Variants in MUC17 observed in about 807,000 individuals in gnomAD.
MUC17 encodes the protein mucin 17, cell surface associated, also known as mucin-17.
In MUC17, 190 loss-of-function variants were observed where a neutral mutation model predicts 170.3. The ratio of observed to expected loss-of-function variants is 1.12; its 90% CI spans 0.99 to 1.26. MUC17 has a LOEUF of 1.26. Among genes scored for constraint, MUC17 ranks in the 50% most tolerant of loss-of-function variants. The pLI, the probability that MUC17 is intolerant of heterozygous loss-of-function variation, is 0.00. For missense variants in MUC17, 6,415 were observed against 5,530.0 expected (o/e 1.16, Z -5.08); for synonymous variants, 2,325 against 2,002.5 (o/e 1.16, Z -4.30).
intron 1 of MUC17, among the ~76,000 whole-genome samples, chr7:101,021,001 G>A (rs927569932): frequency 6.6e-6 from 1 of 152,092 alleles, no homozygotes; most frequent in African/African-American, 2.4e-5. Context: ...CAGGGTCCCT[G>A]CCCCTCGAGA....
chr7:101,050,765 G>A, intron 7 of MUC17, 130 bp downstream of exon 7: 2 of 1,338,252 alleles, frequency 1.5e-6, no homozygotes, highest in South Asian at 3.0e-5. Flanking sequence ...GGGTCCTAGA[G>A]TCCCTGGGGT....
At position 101,031,976 on chromosome 7, in the gene MUC17, C is replaced by T. The variant is rs1562803322; in HGVS notation, c.560C>T (p.Pro187Leu). Residue 187 changes from proline to leucine, a missense_variant, in exon 3 of 13, where the codon CCT becomes CTT. Coordinates refer to ENST00000306151, the MANE Select transcript of MUC17 (RefSeq NM_001040105.2). Reference sequence around the variant, plus strand: ...ACATATAAGGTTGATATGAGCACACCTCTGACCACTTCTACTCAGGCAAGT... The same window carrying T: ...ACATATAAGGTTGATATGAGCACACTTCTGACCACTTCTACTCAGGCAAGT... Reference protein sequence around the residue: ...SLTYKVDMSTPLTTSTQASSS... With the variant: ...SLTYKVDMSTLLTTSTQASSS... 6.2e-7 allele frequency: 1 copy of T among 1,614,142 alleles called. No individual in the cohort carries two copies. Among genetic ancestry groups the T allele is most frequent in the East Asian group, 2.2e-5 (1 of 44,886 alleles).
Position 101,038,202 on chromosome 7 carries a change from A to G in MUC17, c.6786A>G (p.Thr2262=). The G allele has an allele frequency of 6.2e-7, 1 of 1,613,958 alleles. No individual in the cohort carries two copies. The highest frequency in any genetic ancestry group is 1.1e-5 in the South Asian group (1 of 91,072). ...TTSTEATSSP[T]TAEGTSIPTS... ...CTACTGAAGCCACTTCATCTCCTAC[A>G]ACTGCTGAAGGTACCAGCATACCAA... is the stretch of plus-strand genomic sequence containing the variant. Residue 2262 remains threonine (T), a synonymous_variant, in exon 3 of 13, where the codon ACA becomes ACG. Coordinates refer to ENST00000306151, the MANE Select transcript of MUC17 (RefSeq NM_001040105.2).
rs558110714 is a variant in MUC17, at chr7:101,040,681, C to T, written c.9265C>T (p.Pro3089Ser). 1.9e-6 allele frequency: 3 copies of T among 1,609,240 alleles called. No homozygotes were observed. Among genetic ancestry groups the T allele is most frequent in the Non-Finnish European group, 1.7e-6 (2 of 1,178,212 alleles). ...TSTEVSSSPT[P>S]AEGTSMPIST... ...TACTGAAGTCAGTTCATCTCCTACACCTGCTGAAGGTACCAGCATGCCAAT... is the reference window on the plus strand; with the variant it reads ...TACTGAAGTCAGTTCATCTCCTACATCTGCTGAAGGTACCAGCATGCCAAT... Residue 3089 changes from proline to serine, a missense_variant, in exon 3 of 13, where the codon CCT (proline) becomes TCT (serine). Physicochemically the swap from Pro to Ser is moderately conservative, Grantham distance 74. Transcript: ENST00000306151.
chr7:101,054,736 CT>C (rs1303190958), intron 11 of MUC17, among the ~76,000 whole-genome samples: 1 of 152,198 alleles, frequency 6.6e-6, no homozygotes, highest in Admixed American at 6.5e-5. Flanking sequence ...AGGAGGATCA[CT>C]TGAGCCCAGG....
At chr7:101,029,760 G>A (rs909427522) in intron 1 of MUC17, among the ~76,000 whole-genome samples, 17 of 151,682 alleles carry the variant, frequency 1.1e-4, no homozygotes, top group Non-Finnish European at 1.6e-4. Flanking sequence ...CGCCGCACCC[G>A]GCTAATTTTT....
chr7:101,025,815 G>A (rs1794170440), intron 1 of MUC17, among the ~76,000 whole-genome samples: 2 of 149,454 alleles, frequency 1.3e-5, no homozygotes, highest in Admixed American at 1.3e-4. Flanking sequence ...AAAAAAAGCT[G>A]GGCATGGTGA....
At position 101,044,614 on chromosome 7, in the gene MUC17, G is replaced by A. The variant is rs190519373; in HGVS notation, c.12403+795G>A. On this transcript the variant is annotated intron_variant, in intron 3 of 12. Coordinates refer to ENST00000306151, the MANE Select transcript of MUC17 (RefSeq NM_001040105.2). ...CTTTGCCTGGGCACCTCAGTCTCCA[G>A]TATTCTGTCCAGAAGTCCTGTTTTC... Among the ~76,000 whole-genome samples the A allele has an allele frequency of 1.2e-3, 185 of 152,284 alleles. 1 individual carries two copies. The highest frequency in any genetic ancestry group is 2.6e-4 in the Non-Finnish European group (18 of 68,024).
In MUC17 at chr7:101,031,230, A is replaced by G. The variant is rs746315282; in HGVS notation, c.184+9A>G. Reference sequence around the variant, plus strand: ...TCAGCACGTTAGGACAGGTAAGGCAACAGACTCCAAGATCTATCTGGGAAG... The same window carrying G: ...TCAGCACGTTAGGACAGGTAAGGCAGCAGACTCCAAGATCTATCTGGGAAG... On this transcript the variant is annotated intron_variant, in intron 2 of 12. Coordinates refer to ENST00000306151, the MANE Select transcript of MUC17 (RefSeq NM_001040105.2). 17 of 1,609,526 alleles carry G rather than the reference A, an allele frequency of 1.1e-5. No individual in the cohort carries two copies. The highest frequency in any genetic ancestry group is 1.3e-5 in the African/African-American group (1 of 74,792).
intron 12 of MUC17, among the ~76,000 whole-genome samples, chr7:101,057,039 C>A (rs145770073): frequency 6.6e-6 from 1 of 152,090 alleles, no homozygotes; most frequent in East Asian, 1.9e-4. Flanking sequence ...GCCCACCCAT[C>A]CTTAGTATCA....
intron 1 of MUC17, among the ~76,000 whole-genome samples, chr7:101,021,234 G>T (rs1443744306): frequency 6.9e-6 from 1 of 143,960 alleles, no homozygotes; most frequent in Non-Finnish European, 1.5e-5. Context: ...CACCCAGGCT[G>T]GAGTTCTGTA....
At chr7:101,048,424 A>G (rs1794879805) in intron 4 of MUC17, 2 of 192,154 alleles carry the variant, frequency 1.0e-5, no homozygotes, top group Non-Finnish European at 2.1e-5. Flanking sequence ...GATCTAATTT[A>G]TTTATTTAAA....
chr7:101,040,342 A>C lies in MUC17; in HGVS notation c.8926A>C (p.Ser2976Arg). 6.2e-7 allele frequency: 1 copy of C among 1,612,068 alleles called. No individual in the cohort carries two copies. The highest frequency in any genetic ancestry group is 2.2e-5 in the East Asian group (1 of 44,780). Reference sequence around the variant, plus strand: ...TTCTCCTACAACTGCTGAAGGTACCAGCATGCCAATCTCAACTCCTGGCGA... The same window carrying C: ...TTCTCCTACAACTGCTGAAGGTACCCGCATGCCAATCTCAACTCCTGGCGA... ...SSSPTTAEGT[S>R]MPISTPGERR... Residue 2976 changes from serine to arginine, a missense_variant, in exon 3 of 13, where the codon AGC becomes CGC. Physicochemically the swap from Ser to Arg is moderately radical, Grantham distance 110. Transcript: ENST00000306151.
Position 101,042,507 on chromosome 7 carries a change from A to G in MUC17, c.11091A>G (p.Thr3697=), listed in dbSNP as rs765255267. The G allele has an allele frequency of 9.3e-6, 15 of 1,610,916 alleles. No individual in the cohort carries two copies. The highest frequency in any genetic ancestry group is 1.3e-5 in the Non-Finnish European group (15 of 1,179,158). Residue 3697 remains threonine, a synonymous_variant, in exon 3 of 13, where the codon ACA becomes ACG. Coordinates refer to ENST00000306151, the MANE Select transcript of MUC17 (RefSeq NM_001040105.2). The part of the protein sequence containing the change: ...WTPSEGSTPL[T]TMPVSTTRVT... ...CTAGTGAAGGAAGCACTCCATTAAC[A>G]ACTATGCCTGTCAGCACCACACGTG...
In MUC17 at chr7:101,038,619, T is replaced by C; in HGVS notation, c.7203T>C (p.Ser2401=). 1 of 1,614,144 alleles carries C rather than the reference T, an allele frequency of 6.2e-7. No homozygotes were observed. The highest frequency in any genetic ancestry group is 8.5e-7 in the Non-Finnish European group (1 of 1,180,028). ...TYSEGSTPLT[S]VPVSTMPVVS... is the part of the protein sequence containing the mutation. ...GTGAAGGAAGCACTCCACTAACAAG[T>C]GTGCCTGTCAGCACCATGCCGGTGG... Residue 2401 remains serine, a synonymous_variant, in exon 3 of 13, where the codon AGT becomes AGC. Coordinates refer to ENST00000306151, the MANE Select transcript of MUC17 (RefSeq NM_001040105.2).
rs764226953 is a variant in MUC17, at chr7:101,034,936, A to C, written c.3520A>C (p.Ser1174Arg). 5.0e-6 allele frequency: 8 copies of C among 1,614,048 alleles called. No individual in the cohort carries two copies. Among genetic ancestry groups the C allele is most frequent in the African/African-American group, 1.3e-5 (1 of 74,940 alleles). ...SMPVSTTLVV[S>R]SEANTLSTTP... ...GCCTGTCAGCACCACGCTGGTGGTC[A>C]GTTCTGAGGCTAACACCCTTTCAAC... The change falls in exon 3 of 13, where the codon AGT becomes CGT. Residue 1174 changes from serine to arginine, a missense_variant. Ser to Arg is a moderately radical substitution (Grantham distance 110, BLOSUM62 -1). Transcript: ENST00000306151.
In MUC17 at chr7:101,053,367, A is replaced by C. The variant is rs374270948; in HGVS notation, c.13294A>C (p.Lys4432Gln). ...RQKYRLSQLY[K>Q]WQEEDSGPAP... is the part of the protein sequence containing the mutation. ...AAAGTACAGATTGTCTCAGTTATAC[A>C]AGTGGCAAGAAGAGGACAGTGGACC... is the stretch of plus-strand genomic sequence containing the variant. The change falls in exon 11 of 13, where the codon AAG (lysine) becomes CAG (glutamine). Residue 4432 changes from lysine (K) to glutamine (Q), a missense_variant. Coordinates refer to ENST00000306151, the MANE Select transcript of MUC17 (RefSeq NM_001040105.2). The C allele has an allele frequency of 3.1e-6, 5 of 1,614,120 alleles. No individual in the cohort carries two copies. The highest frequency in any genetic ancestry group is 4.2e-6 in the Non-Finnish European group (5 of 1,180,004).
Position 101,036,301 on chromosome 7 carries a change from G to T in MUC17, c.4885G>T (p.Gly1629Ter). 6.2e-7 allele frequency: 1 copy of T among 1,613,866 alleles called. No homozygotes were observed. Among genetic ancestry groups the T allele is most frequent in the Non-Finnish European group, 8.5e-7 (1 of 1,179,978 alleles). Residue 1629 changes from glycine (G) to a stop codon, truncating the protein, a stop_gained, in exon 3 of 13, where the codon GGA becomes TGA. Coordinates refer to ENST00000306151, the MANE Select transcript of MUC17 (RefSeq NM_001040105.2). LOFTEE classifies it high-confidence loss of function. Reference sequence around the variant, plus strand: ...CATGACAATCTCAACTCCTAGTGAAGGAAGTCCTCTATTAACAAGTATACC... The same window carrying T: ...CATGACAATCTCAACTCCTAGTGAATGAAGTCCTCTATTAACAAGTATACC... ...SSMTISTPSE[G>*]SPLLTSIPVS...
At position 101,036,746 on chromosome 7, in the gene MUC17, G is replaced by C. The variant is rs760101017; in HGVS notation, c.5330G>C (p.Ser1777Thr). The C allele has an allele frequency of 6.2e-7, 1 of 1,611,558 alleles. No individual in the cohort carries two copies. The highest frequency in any genetic ancestry group is 1.1e-5 in the South Asian group (1 of 90,756). ...STLSATPIDT[S>T]TPVTTSTEAT... is the part of the protein sequence containing the mutation. The stretch of plus-strand genomic sequence containing the variant: ...CTTTCAGCAACTCCTATTGACACCA[G>C]CACCCCTGTGACCACTTCTACTGAA... Residue 1777 changes from serine to threonine, a missense_variant, in exon 3 of 13, where the codon AGC (serine) becomes ACC (threonine). Ser to Thr is a moderately conservative substitution (Grantham distance 58). Coordinates refer to ENST00000306151, the MANE Select transcript of MUC17 (RefSeq NM_001040105.2).
Sources: gnomAD v4.1 joint callset for allele counts (sites outside exome capture counted in the v4.1 genomes callset) on GRCh38, gnomAD v4.1.1 for gene constraint, MANE v1.5 for transcripts, NCBI Gene and HGNC (gene_info 2026-07-23, HGNC 2026-07-21) for gene names.